Variants in SH3BP5L observed in about 807,000 individuals in gnomAD.
SH3BP5L encodes SH3 binding domain protein 5 like.
A neutral mutation model predicts 40.9 loss-of-function variants in SH3BP5L; 16 were observed. The observed-to-expected ratio is 0.39, with a 90% CI of 0.27 to 0.59. The LOEUF is 0.59. Ranked by LOEUF, SH3BP5L falls within the 20% of genes least tolerant of loss-of-function variation. The probability of loss-of-function intolerance (pLI) is 0.53; values close to 1 mark genes in which losing one functional copy is unlikely to be tolerated. For missense variants in SH3BP5L, 471 were observed against 544.6 expected (o/e 0.86, Z 1.35); for synonymous variants, 229 against 226.7 (o/e 1.01, Z -0.09).
rs561666022 is a variant in SH3BP5L, at chr1:248,818,985, C to T, written c.184-2101G>A. The stretch of plus-strand genomic sequence containing the variant: ...CACAATCACTTCCCACTCATATGGC[C>T]GTGATGTTGGCCCCCACTCACCTCA... On this transcript the variant is annotated intron_variant, in intron 2 of 6. Coordinates refer to ENST00000366472, the MANE Select transcript of SH3BP5L (RefSeq NM_030645.3). Among the ~76,000 whole-genome samples the T allele has an allele frequency of 1.4e-4, 21 of 152,296 alleles. No individual in the cohort carries two copies. In the South Asian group the frequency reaches 3.3e-3, roughly 24 times the overall value.
chr1:248,819,948 AAG>A lies in SH3BP5L; in HGVS notation c.184-3066_184-3065del, dbSNP rs1664212409. Among the ~76,000 whole-genome samples, 4 of 152,212 alleles carry A rather than the reference AAG, an allele frequency of 2.6e-5. No individual in the cohort carries two copies. In the South Asian group the frequency reaches 6.2e-4, roughly 24 times the overall value. On this transcript the variant is annotated intron_variant, in intron 2 of 6. Coordinates refer to ENST00000366472, the MANE Select transcript of SH3BP5L (RefSeq NM_030645.3). The stretch of plus-strand genomic sequence containing the variant: ...TTTTAAAAGTAAAAAAATTTAAAAA[AAG>A]AGTGAAATTATAAAAATACATTTAA...
At chr1:248,825,449 C>G in intron 1 of SH3BP5L, 83 bp from the exon 2 acceptor site, 2 of 929,804 alleles carry the variant, frequency 2.2e-6, no homozygotes, top group Non-Finnish European at 2.6e-6. Flanking sequence ...TACAGCCTCC[C>G]AAAAACTACA....
At chr1:248,815,859 T>C (rs76180885) in intron 4 of SH3BP5L, among the ~76,000 whole-genome samples, 5,282 of 152,300 alleles carry the variant, frequency 0.035, 279 homozygotes, top group African/African-American at 0.12. Flanking sequence ...CCTTCACTTC[T>C]GCCTCCTGAA....
intron 4 of SH3BP5L, chr1:248,816,211 G>C: frequency 4.1e-6 from 1 of 245,796 alleles, no homozygotes; most frequent in Non-Finnish European, 8.1e-6. Context: ...AATGGGCGCA[G>C]ATGAAAACAA....
At chr1:248,823,903 C>A (rs1052767534) in intron 2 of SH3BP5L, among the ~76,000 whole-genome samples, 1 of 152,218 alleles carries the variant, frequency 6.6e-6, no homozygotes, top group African/African-American at 2.4e-5. Context: ...TCGTCACCTG[C>A]CCAAGAAGCT....
chr1:248,817,271 C>T (rs1254140968), intron 2 of SH3BP5L, among the ~76,000 whole-genome samples: 4 of 152,184 alleles, frequency 2.6e-5, no homozygotes, highest in Non-Finnish European at 2.9e-5. Flanking sequence ...TCGCTCTCTG[C>T]GAGAGGATGG....
Position 248,825,185 on chromosome 1 carries a change from T to C in SH3BP5L, c.-250A>G. ...TCCCTTCCCGCCACAGGGAGTCCAC[T>C]GTGACAAACCCGGAGCAACAGCTCC... On this transcript the variant is annotated 5_prime_UTR_variant, in exon 2 of 7. Transcript: ENST00000366472. 8.0e-7 allele frequency: 1 copy of C among 1,256,494 alleles called. No individual in the cohort carries two copies. Among genetic ancestry groups the C allele is most frequent in the South Asian group, 2.3e-5 (1 of 43,346 alleles). The allele number at this position is 1,256,494 out of a possible 1,614,324, so 77.8% of individuals were successfully genotyped here. A position where few individuals can be genotyped will look rare whatever the true frequency, so the allele number is the denominator to read the frequency against.
intron 2 of SH3BP5L, among the ~76,000 whole-genome samples, chr1:248,823,166 T>C (rs1311512689): frequency 6.6e-6 from 1 of 152,208 alleles, no homozygotes; most frequent in Admixed American, 6.5e-5. Context: ...AGAAGCCTTC[T>C]CTGGAGCAGG....
chr1:248,819,839 T>C (rs1664207920), intron 2 of SH3BP5L, among the ~76,000 whole-genome samples: 1 of 152,076 alleles, frequency 6.6e-6, no homozygotes, highest in African/African-American at 2.4e-5. Context: ...TGGAAAAGCT[T>C]GCTCTAAATT....
intron 2 of SH3BP5L, 178 bp from the exon 3 acceptor site, chr1:248,817,062 C>A: frequency 6.5e-7 from 1 of 1,532,754 alleles, no homozygotes; most frequent in Non-Finnish European, 8.7e-7. Flanking sequence ...CTATCAGGGA[C>A]CTGATACATA....
intron 2 of SH3BP5L, among the ~76,000 whole-genome samples, chr1:248,819,238 C>T (rs975448449): frequency 6.6e-6 from 1 of 152,110 alleles, no homozygotes; most frequent in Non-Finnish European, 1.5e-5. Context: ...TGAAAATGCA[C>T]ACACCTACCT....
At chr1:248,818,588 G>C (rs61837486) in intron 2 of SH3BP5L, among the ~76,000 whole-genome samples, 1 of 152,222 alleles carries the variant, frequency 6.6e-6, no homozygotes, top group African/African-American at 2.4e-5. Context: ...GGAGAGTCCT[G>C]GGGAAAAGTT....
In SH3BP5L at chr1:248,825,167, C is replaced by A. The variant is rs1664345192; in HGVS notation, c.-232G>T. 3.8e-6 allele frequency: 5 copies of A among 1,302,230 alleles called. No individual in the cohort carries two copies. Among genetic ancestry groups the A allele is most frequent in the African/African-American group, 1.5e-5 (1 of 66,216 alleles). 80.7% of individuals were successfully genotyped at this position (1,302,230 alleles called of 1,614,324 possible). On this transcript the variant is annotated 5_prime_UTR_variant, in exon 2 of 7. An upstream open reading frame in the 5' UTR gains an earlier in-frame stop. Coordinates refer to ENST00000366472, the MANE Select transcript of SH3BP5L (RefSeq NM_030645.3). ...TGTCTGTGCAAAAGTTCTTCCCTTC[C>A]CGCCACAGGGAGTCCACTGTGACAA...
At chr1:248,816,392 G>A in intron 4 of SH3BP5L, 142 bp downstream of exon 4, 1 of 977,526 alleles carries the variant, frequency 1.0e-6, no homozygotes, top group Non-Finnish European at 1.5e-6. Flanking sequence ...TGAGCCCACA[G>A]AGCTGGTTCC....
At chr1:248,817,590 C>T (rs905537090) in intron 2 of SH3BP5L, among the ~76,000 whole-genome samples, 2 of 152,202 alleles carry the variant, frequency 1.3e-5, no homozygotes, top group Non-Finnish European at 1.5e-5. Context: ...AGGTGGCTCA[C>T]GCCTGTAATC....
rs1179416411 is a variant in SH3BP5L at position 248,814,600 on chromosome 1, T to G, written c.386A>C (p.Glu129Ala). 6.2e-7 allele frequency: 1 copy of G among 1,614,152 alleles called. No homozygotes were observed. The highest frequency in any genetic ancestry group is 8.5e-7 in the Non-Finnish European group (1 of 1,180,032). Residue 129 changes from glutamate (E) to alanine (A), a missense_variant, in exon 5 of 7, where the codon GAG (glutamate) becomes GCG (alanine). By Grantham distance (107) the Glu-to-Ala change is moderately radical (BLOSUM62 -1). Coordinates refer to ENST00000366472, the MANE Select transcript of SH3BP5L (RefSeq NM_030645.3). The part of the protein sequence containing the change: ...ARRLAKEAQQ[E>A]TQKAALRYER... ...GTACCGCAGCGCTGCCTTCTGTGTC[T>G]CCTGCTGAGCCTGGGGGGAGAGGGA... is the stretch of plus-strand genomic sequence containing the variant.
intron 1 of SH3BP5L, 169 bp from the exon 2 acceptor site, chr1:248,825,535 G>T: frequency 3.4e-6 from 1 of 298,432 alleles, no homozygotes. Flanking sequence ...AAGGACTTTA[G>T]ATTCTACTCT....
Position 248,824,724 on chromosome 1 carries a change from CCTT to C in SH3BP5L, c.183+26_183+28del, listed in dbSNP as rs758119021. 17 of 1,609,478 alleles carry C rather than the reference CCTT, an allele frequency of 1.1e-5. No homozygotes were observed. The South Asian group carries it at 1.7e-4, about 16-fold the overall frequency. On this transcript the variant is annotated intron_variant, in intron 2 of 6. Transcript: ENST00000366472. ...TCAGGGAGGCTGGAATCTGGGCTCT[CCTT>C]CTCTCCCTGCTCTCAGTGCTCTCAC...
chr1:248,814,847 C>T (rs1664060315), intron 4 of SH3BP5L: 2 of 645,356 alleles, frequency 3.1e-6, no homozygotes, highest in Admixed American at 2.1e-5. Context: ...GTGTGAAATC[C>T]AGCACTCCCA....
Sources: gnomAD v4.1 joint callset for allele counts (sites outside exome capture counted in the v4.1 genomes callset) on GRCh38, gnomAD v4.1.1 for gene constraint, MANE v1.5 for transcripts, NCBI Gene and HGNC (gene_info 2026-07-23, HGNC 2026-07-21) for gene names.